Variants in SLC26A5 observed in about 807,000 individuals in gnomAD.
SLC26A5 encodes prestin.
In SLC26A5, 51 loss-of-function variants were observed where a neutral mutation model predicts 81.0. The observed-to-expected ratio is 0.63, with a 90% confidence interval of 0.50 to 0.80. SLC26A5 has a LOEUF of 0.80. Among genes scored for constraint, SLC26A5 ranks in the 30% least tolerant of loss-of-function variants. The pLI is 0.00. For missense variants in SLC26A5, 771 were observed against 905.8 expected (o/e 0.85, Z 1.91); for synonymous variants, 325 against 332.8 (o/e 0.98, Z 0.25).
In SLC26A5 at chr7:103,380,532, A is replaced by G; in HGVS notation, c.1532T>C (p.Leu511Pro). The G allele has an allele frequency of 6.2e-7, 1 of 1,613,800 alleles. No homozygotes were observed. The highest frequency in any genetic ancestry group is 8.5e-7 in the Non-Finnish European group (1 of 1,179,748). The change falls in exon 15 of 20, where the codon CTT becomes CCT. Residue 511 changes from leucine (L) to proline (P), a missense_variant. By Grantham distance (98) the Leu-to-Pro change is moderately conservative. Transcript: ENST00000306312. ...YRTQSPSYKV[L>P]GKLPETDVYI... ...CACATCAGTTTCAGGAAGCTTTCCA[A>G]GGACTTTGTAGCTTGGACTGAAGAT...
chr7:103,377,852 G>A (rs765261875), intron 17 of SLC26A5, 53 bp from the exon 18 acceptor site: 1 of 1,541,728 alleles, frequency 6.5e-7, no homozygotes, highest in Non-Finnish European at 8.9e-7. Context: ...CACATTTCTG[G>A]TTGTGAGAAA....
At position 103,377,654 on chromosome 7, in the gene SLC26A5, A is replaced by T. The variant is rs1821453421; in HGVS notation, c.1931T>A (p.Leu644Ter). Residue 644 changes from leucine to a stop codon, truncating the protein, a stop_gained, in exon 18 of 20, where the codon TTG becomes TAG. Transcript: ENST00000306312. LOFTEE classifies it high-confidence loss of function. ...PPGDNVHTVI[L>*]DFTQVNFIDS... is the part of the protein sequence containing the mutation. ...AATAAAATTGACTTGAGTGAAATCCAAAATGACAGTGTGGACGTTATCCCC... is the reference window on the plus strand; with the variant it reads ...AATAAAATTGACTTGAGTGAAATCCTAAATGACAGTGTGGACGTTATCCCC... The T allele has an allele frequency of 6.2e-7, 1 of 1,614,142 alleles. No homozygotes were observed. Among genetic ancestry groups the T allele is most frequent in the Non-Finnish European group, 8.5e-7 (1 of 1,179,996 alleles).
chr7:103,362,819 G>A (rs1188725018), intron 19 of SLC26A5: 41 of 1,204,048 alleles, frequency 3.4e-5, no homozygotes, highest in African/African-American at 1.6e-4. Context: ...TTTTTGAGGC[G>A]GAGTTTCACT....
intron 4 of SLC26A5, among the ~76,000 whole-genome samples, chr7:103,419,540 C>T (rs1825172994): frequency 6.6e-6 from 1 of 151,412 alleles, no homozygotes; most frequent in Non-Finnish European, 1.5e-5. Context: ...CCTGGATCCA[C>T]TATTTTTTTT....
chr7:103,371,480 A>G (rs1821035128), downstream of SLC26A5, among the ~76,000 whole-genome samples: 1 of 150,576 alleles, frequency 6.6e-6, no homozygotes, highest in Non-Finnish European at 1.5e-5. Flanking sequence ...GCCCGCCACT[A>G]CGCCCGGCTA....
At chr7:103,406,030 C>A (rs1324525684) in intron 8 of SLC26A5, among the ~76,000 whole-genome samples, 2 of 152,176 alleles carry the variant, frequency 1.3e-5, no homozygotes, top group Non-Finnish European at 2.9e-5. Context: ...CCCCTCCCCC[C>A]ACCAAGCTCA....
At chr7:103,369,491 G>C (rs747396085), downstream of SLC26A5, 1 of 152,152 alleles carries the variant, frequency 6.6e-6, no homozygotes, top group Non-Finnish European at 1.5e-5. Context: ...CTGTTCTAAC[G>C]ATACAGAGTG....
At chr7:103,413,877 GCCCTTATGTATGCACAGCCTCCCCCA>G (rs1255361890) in intron 4 of SLC26A5, among the ~76,000 whole-genome samples, 1 of 152,052 alleles carries the variant, frequency 6.6e-6, no homozygotes, top group Non-Finnish European at 1.5e-5. Flanking sequence ...TACATTCCCT[GCCCTTATGTATGCACAGCCTCCCCCA>G]CTATCAACAT....
At chr7:103,406,988 A>T (rs1824110445) in intron 8 of SLC26A5, among the ~76,000 whole-genome samples, 1 of 152,114 alleles carries the variant, frequency 6.6e-6, no homozygotes, top group African/African-American at 2.4e-5. Context: ...GCTCCCACAC[A>T]CGTGCAAACA....
rs2116727279 is a variant in SLC26A5 at position 103,421,464 on chromosome 7, A to G, written c.51T>C (p.Tyr17=). 6.2e-7 allele frequency: 1 copy of G among 1,614,048 alleles called. No homozygotes were observed. The part of the protein sequence containing the change: ...NEILAATQRY[Y]VERPIFSHPV... ...GATGACTAAAGATAGGCCTTTCCACATAGTACCTCTGGGTTGCTGCAAGGA... is the reference window on the plus strand; with the variant it reads ...GATGACTAAAGATAGGCCTTTCCACGTAGTACCTCTGGGTTGCTGCAAGGA... Residue 17 remains tyrosine (Y), a synonymous_variant, in exon 3 of 20, where the codon TAT becomes TAC. Coordinates refer to ENST00000306312, the MANE Select transcript of SLC26A5 (RefSeq NM_198999.3).
chr7:103,439,356 A>G (rs1826697837), intron 2 of SLC26A5, among the ~76,000 whole-genome samples: 1 of 151,980 alleles, frequency 6.6e-6, no homozygotes, highest in Non-Finnish European at 1.5e-5. Flanking sequence ...ACAGTAAGAA[A>G]CTCCATCTTC....
intron 9 of SLC26A5, 124 bp from the exon 10 acceptor site, chr7:103,393,190 A>G (rs1222783313): frequency 8.2e-7 from 1 of 1,226,706 alleles, no homozygotes; most frequent in Non-Finnish European, 1.1e-6. Flanking sequence ...ATGCTTGGAT[A>G]CTTATTTGCT....
intron 9 of SLC26A5, among the ~76,000 whole-genome samples, chr7:103,396,285 CA>C (rs1256289492): frequency 9.2e-5 from 14 of 151,994 alleles, no homozygotes; most frequent in Non-Finnish European, 1.9e-4. Flanking sequence ...GAAAGGCTCT[CA>C]AAAAAGTAAA....
chr7:103,437,616 A>G (rs558153466), intron 2 of SLC26A5, among the ~76,000 whole-genome samples: 1 of 152,362 alleles, frequency 6.6e-6, no homozygotes, highest in South Asian at 2.1e-4. Flanking sequence ...AAAGAAAGAA[A>G]TCATGTTATT....
intron 2 of SLC26A5, among the ~76,000 whole-genome samples, chr7:103,425,841 C>G (rs543735781): frequency 6.6e-6 from 1 of 152,100 alleles, no homozygotes; most frequent in Non-Finnish European, 1.5e-5. Context: ...TACTGATGCC[C>G]GAGTCTATTT....
intron 9 of SLC26A5, among the ~76,000 whole-genome samples, chr7:103,396,279 G>C (rs1823103322): frequency 6.6e-6 from 1 of 152,092 alleles, no homozygotes; most frequent in Non-Finnish European, 1.5e-5. Context: ...CAGTATGAAA[G>C]GCTCTCAAAA....
downstream of SLC26A5, among the ~76,000 whole-genome samples, chr7:103,369,734 T>C (rs1228474269): frequency 2.0e-5 from 3 of 151,760 alleles, no homozygotes; most frequent in East Asian, 5.8e-4. Flanking sequence ...CACATATATA[T>C]ATATACATGT....
At chr7:103,356,104 G>A (rs909430129) in intron 19 of SLC26A5, among the ~76,000 whole-genome samples, 3 of 150,802 alleles carry the variant, frequency 2.0e-5, no homozygotes, top group African/African-American at 4.9e-5. Flanking sequence ...TTTGGCCCTC[G>A]TAATCCTCTG....
chr7:103,434,169 G>T (rs1472359067), intron 2 of SLC26A5, among the ~76,000 whole-genome samples: 1 of 152,160 alleles, frequency 6.6e-6, no homozygotes, highest in Non-Finnish European at 1.5e-5. Flanking sequence ...AAGGTACTCA[G>T]AAGTAAACGG....
Sources: allele counts gnomAD v4.1 joint callset (sites outside exome capture counted in the v4.1 genomes callset), GRCh38; gene constraint gnomAD v4.1.1; transcripts MANE v1.5; gene names NCBI Gene and HGNC (gene_info 2026-07-23, HGNC 2026-07-21).